The following MINAR1 variants were observed in gnomAD, a reference collection of about 807,000 sequenced individuals.
MINAR1 encodes major intrinsically disordered Notch2-binding receptor 1.
MINAR1 carries 40 observed loss-of-function variants against 65.1 expected under a neutral mutation model. The ratio of observed to expected loss-of-function variants is 0.61; its 90% CI spans 0.48 to 0.80. MINAR1 has a LOEUF of 0.80. Ranked by LOEUF, MINAR1 falls within the 30% of genes least tolerant of loss-of-function variation. MINAR1 has a pLI of 0.00. For synonymous variants in MINAR1, 482 were observed against 449.1 expected (o/e 1.07, Z -0.93); for missense variants, 1,128 against 1,148.0 (o/e 0.98, Z 0.25).
At position 79,457,452 on chromosome 15, in the gene MINAR1, CAA is replaced by C; in HGVS notation, c.1307_1308del (p.Lys436IlefsTer2). ...IAYAAKQNGL[K>X]SKEISSPVDL... ...CTTATGCGGCAAAACAAAATGGGCT[CAA>C]ATCTAAAGAGATCTCATCCCCTGTT... On this transcript the variant is annotated frameshift_variant, in exon 2 of 4. Transcript: ENST00000305428. LOFTEE classifies it high-confidence loss of function. 1 of 1,614,150 alleles carries C rather than the reference CAA, an allele frequency of 6.2e-7. No homozygotes were observed. The highest frequency in any genetic ancestry group is 8.5e-7 in the Non-Finnish European group (1 of 1,180,024).
In MINAR1 at chr15:79,463,092, C is replaced by A; in HGVS notation, c.2324C>A (p.Pro775Gln). The A allele has an allele frequency of 6.2e-7, 1 of 1,613,996 alleles. No homozygotes were observed. Among genetic ancestry groups the A allele is most frequent in the South Asian group, 1.1e-5 (1 of 91,062 alleles). The stretch of plus-strand genomic sequence containing the variant: ...GCAGACAGGCAGTACGACATTCCCC[C>A]ACAGCACCGACTGCCCAAGCAGCCC... ...KEADRQYDIP[P>Q]QHRLPKQPKD... Residue 775 changes from proline to glutamine, a missense_variant, in exon 3 of 4, where the codon CCA (proline) becomes CAA (glutamine). By Grantham distance (76) the Pro-to-Gln change is moderately conservative (BLOSUM62 -1). Transcript: ENST00000305428.
the MINAR1 span, chr15:79,414,304 C>T: frequency 1.3e-5 from 2 of 152,190 alleles, no homozygotes; most frequent in South Asian, 4.1e-4. Flanking sequence ...AGGTTAAGAT[C>T]CCTGTGCACT....
At chr15:79,437,808 AGT>A (rs1309081310) in intron 1 of MINAR1, among the ~76,000 whole-genome samples, 1 of 15,838 alleles carries the variant, frequency 6.3e-5, no homozygotes, top group African/African-American at 2.5e-4. Context: ...GTTGGCAGTG[AGT>A]GTGTGGGGCG....
intron 1 of MINAR1, among the ~76,000 whole-genome samples, chr15:79,434,845 G>A (rs1246668576): frequency 2.0e-5 from 3 of 152,210 alleles, no homozygotes; most frequent in African/African-American, 7.2e-5. Flanking sequence ...TATGACCTTG[G>A]TAAATTATGT....
the MINAR1 span, chr15:79,417,438 C>T: frequency 1.3e-5 from 2 of 152,324 alleles, no homozygotes; most frequent in East Asian, 1.9e-4. Context: ...ATCCCGAAGA[C>T]GGGCTTCTCC....
chr15:79,417,952 G>A, the MINAR1 span: 1 of 152,234 alleles, frequency 6.6e-6, no homozygotes, highest in African/African-American at 2.4e-5. Context: ...CACTTTCCAT[G>A]AAGCCACGAT....
chr15:79,453,060 C>CTT (rs140961924), intron 1 of MINAR1, among the ~76,000 whole-genome samples: 41,738 of 151,414 alleles, frequency 0.28, 6,447 homozygotes, highest in East Asian at 0.55. Context: ...CTGCCTTGCT[C>CTT]TGACCAGATC....
intron 2 of MINAR1, among the ~76,000 whole-genome samples, chr15:79,459,442 C>T (rs1265914049): frequency 6.6e-6 from 1 of 152,160 alleles, no homozygotes; most frequent in Non-Finnish European, 1.5e-5. Flanking sequence ...ACCTGTGGCC[C>T]ATCCTGTTCA....
upstream of MINAR1, among the ~76,000 whole-genome samples, chr15:79,431,747 G>A (rs78656544): frequency 0.059 from 8,984 of 152,280 alleles, 329 homozygotes; most frequent in East Asian, 0.2. Flanking sequence ...CAGCATAGGG[G>A]AGTGGGGAGA....
chr15:79,454,891 T>C (rs1039748389), intron 1 of MINAR1, among the ~76,000 whole-genome samples: 1 of 150,954 alleles, frequency 6.6e-6, no homozygotes, highest in African/African-American at 2.4e-5. Context: ...CCCTTAAGAT[T>C]TGTGAACTTC....
chr15:79,436,087 C>T (rs1894591298), intron 1 of MINAR1, among the ~76,000 whole-genome samples: 1 of 152,230 alleles, frequency 6.6e-6, no homozygotes, highest in Non-Finnish European at 1.5e-5. Context: ...GCTGCTCCTC[C>T]CTCAGCCTGG....
chr15:79,450,883 TG>T (rs1895170481), intron 1 of MINAR1, among the ~76,000 whole-genome samples: 2 of 152,152 alleles, frequency 1.3e-5, no homozygotes, highest in Admixed American at 6.5e-5. Flanking sequence ...GTTCCATGAG[TG>T]ACAGCTGTTA....
chr15:79,464,692 C>T (rs1361091), intron 3 of MINAR1, among the ~76,000 whole-genome samples: 38,739 of 152,122 alleles, frequency 0.25, 5,707 homozygotes, highest in African/African-American at 0.4. Flanking sequence ...GAAGGGGCAG[C>T]TCTGTCCAGA....
At chr15:79,463,688 T>C (rs1365346207) in intron 3 of MINAR1, 1 of 486,086 alleles carries the variant, frequency 2.1e-6, no homozygotes, top group Non-Finnish European at 4.0e-6. Flanking sequence ...TCTCCTTCCA[T>C]ATGTAGCACG....
the MINAR1 span, chr15:79,418,045 A>G: frequency 6.6e-6 from 1 of 152,246 alleles, no homozygotes; most frequent in South Asian, 2.1e-4. Flanking sequence ...AATGACAAGT[A>G]AAACTGTAAT....
the MINAR1 span, chr15:79,421,875 G>T: frequency 7.1e-6 from 1 of 140,480 alleles, no homozygotes; most frequent in Non-Finnish European, 1.6e-5. Context: ...AAAGGGAAAA[G>T]GGTGGGTCGC....
chr15:79,462,326 T>C (rs1252307983), intron 2 of MINAR1, among the ~76,000 whole-genome samples: 1 of 152,180 alleles, frequency 6.6e-6, no homozygotes, highest in Non-Finnish European at 1.5e-5. Flanking sequence ...TAATGAGCAC[T>C]AACCCAGTCT....
At chr15:79,439,271 T>G (rs1252760065) in intron 1 of MINAR1, among the ~76,000 whole-genome samples, 5 of 35,566 alleles carry the variant, frequency 1.4e-4, no homozygotes, top group African/African-American at 2.4e-4. Flanking sequence ...GTGTGTGGGG[T>G]GTGGGGTGGA....
intron 2 of MINAR1, 90 bp from the exon 3 acceptor site, chr15:79,462,977 T>A (rs1895700591): frequency 7.0e-7 from 1 of 1,432,998 alleles, no homozygotes; most frequent in East Asian, 2.3e-5. Flanking sequence ...TACCTGAATG[T>A]CTACAGGAAA....
Sources: allele counts gnomAD v4.1 joint callset (sites outside exome capture counted in the v4.1 genomes callset), GRCh38; gene constraint gnomAD v4.1.1; transcripts MANE v1.5; gene names NCBI Gene and HGNC (gene_info 2026-07-23, HGNC 2026-07-21).